The following NUP93 variants were observed in gnomAD, a reference collection of about 807,000 sequenced individuals.
NUP93 encodes the protein nuclear pore complex protein Nup93.
A neutral mutation model predicts 107.8 loss-of-function variants in NUP93; 55 were observed. The ratio of observed to expected loss-of-function variants is 0.51; its 90% CI spans 0.41 to 0.64. The LOEUF is 0.64. Among genes scored for constraint, NUP93 ranks in the 30% least tolerant of loss-of-function variants. The pLI is 0.00. For missense variants in NUP93, 937 were observed against 1,044.7 expected (o/e 0.90, Z 1.42); for synonymous variants, 390 against 397.5 (o/e 0.98, Z 0.22).
In NUP93 at chr16:56,833,363, G is replaced by A; in HGVS notation, c.1494G>A (p.Glu498=). 1.9e-6 allele frequency: 3 copies of A among 1,579,324 alleles called. No homozygotes were observed. Among genetic ancestry groups the A allele is most frequent in the Non-Finnish European group, 2.6e-6 (3 of 1,168,326 alleles). The part of the protein sequence containing the change: ...HAVHVALVLF[E]LKLLLKSSGQ... The stretch of plus-strand genomic sequence containing the variant: ...TCCATGTAGCACTGGTGCTGTTTGA[G>A]CTGAAGCTGCTTTTAAAGTCCTCTG... Residue 498 remains glutamate (E), a synonymous_variant, in exon 13 of 22, where the codon GAG becomes GAA. Coordinates refer to ENST00000308159, the MANE Select transcript of NUP93 (RefSeq NM_014669.5).
chr16:56,834,367 C>T lies in NUP93; in HGVS notation c.1665-3C>T. On this transcript the variant is annotated splice_region_variant and splice_polypyrimidine_tract_variant and intron_variant, in intron 14 of 21. Coordinates refer to ENST00000308159, the MANE Select transcript of NUP93 (RefSeq NM_014669.5). ...GAAACTGAGTTGTTTATTTCCCTTA[C>T]AGGGATGAGAAAGATAGTCAAGGAG... The T allele has an allele frequency of 6.2e-7, 1 of 1,614,076 alleles. No homozygotes were observed. Among genetic ancestry groups the T allele is most frequent in the Non-Finnish European group, 8.5e-7 (1 of 1,179,912 alleles).
chr16:56,783,543 A>T, intron 3 of NUP93: 1 of 985,416 alleles, frequency 1.0e-6, no homozygotes, highest in Non-Finnish European at 1.2e-6. Context: ...CTGACCCTGT[A>T]TGGGAGATGA....
At chr16:56,805,340 G>C in intron 4 of NUP93, 164 bp from the exon 5 acceptor site, 1 of 722,620 alleles carries the variant, frequency 1.4e-6, no homozygotes, top group Non-Finnish European at 2.2e-6. Context: ...AAACCACCAC[G>C]CTCAGCCAGT....
rs1964111206 is a variant in NUP93, at chr16:56,845,926, T to A, written c.*1317T>A. 6.6e-6 allele frequency: 1 copy of A among 152,236 alleles called. No homozygotes were observed. Among genetic ancestry groups the A allele is most frequent in the South Asian group, 2.1e-4 (1 of 4,828 alleles). The allele number at this position is 152,236 out of a possible 1,614,324, so 9.4% of individuals were successfully genotyped here. ...TCCATGTTCCAGGAAGGATGCGGCC[T>A]GAGGGTCAGTGGAGCTGTGTTCTGC... On this transcript the variant is annotated 3_prime_UTR_variant, in exon 22 of 22. Transcript: ENST00000308159.
chr16:56,769,291 G>T (rs907101758), intron 3 of NUP93, among the ~76,000 whole-genome samples: 1 of 152,306 alleles, frequency 6.6e-6, no homozygotes, highest in East Asian at 1.9e-4. Flanking sequence ...CAGTGCCGGA[G>T]AAAAGTATCT....
chr16:56,833,644 C>CT (rs1458714458), intron 13 of NUP93, among the ~76,000 whole-genome samples: 1 of 133,838 alleles, frequency 7.5e-6, no homozygotes. Flanking sequence ...AAAGTACTAG[C>CT]TTTGTGGCCA....
intron 3 of NUP93, among the ~76,000 whole-genome samples, chr16:56,795,911 T>G (rs1350162216): frequency 6.6e-6 from 1 of 152,112 alleles, no homozygotes; most frequent in Non-Finnish European, 1.5e-5. Flanking sequence ...CCTCCCAAAG[T>G]GCTGTGATTA....
intron 3 of NUP93, among the ~76,000 whole-genome samples, chr16:56,769,198 TAGA>T (rs1962274531): frequency 6.6e-6 from 1 of 152,318 alleles, no homozygotes; most frequent in African/African-American, 2.4e-5. Flanking sequence ...CAGGATGTAT[TAGA>T]AGGAGGAAAG....
chr16:56,832,654 G>C (rs1963819406), intron 12 of NUP93, among the ~76,000 whole-genome samples: 1 of 152,220 alleles, frequency 6.6e-6, no homozygotes, highest in African/African-American at 2.4e-5. Flanking sequence ...CATATGCTCA[G>C]GGAGAGAAAA....
At chr16:56,819,143 T>G (rs1029340717) in intron 6 of NUP93, among the ~76,000 whole-genome samples, 7 of 152,262 alleles carry the variant, frequency 4.6e-5, no homozygotes, top group African/African-American at 1.7e-4. Context: ...TTTTTTGTCT[T>G]AATAAGCATA....
chr16:56,829,683 A>T (rs1215104235), intron 9 of NUP93, among the ~76,000 whole-genome samples: 1 of 152,270 alleles, frequency 6.6e-6, no homozygotes, highest in African/African-American at 2.4e-5. Context: ...GAGGTAACAC[A>T]TGCACAAATG....
At chr16:56,742,691 C>CT (rs1286354319) in intron 1 of NUP93, among the ~76,000 whole-genome samples, 1 of 152,228 alleles carries the variant, frequency 6.6e-6, no homozygotes, top group African/African-American at 2.4e-5. Context: ...GGATGGATGG[C>CT]TCTGAGGCTC....
At chr16:56,836,801 CATT>C (rs1963921901) in intron 17 of NUP93, 84 bp downstream of exon 17, 1 of 851,484 alleles carries the variant, frequency 1.2e-6, no homozygotes, top group South Asian at 1.5e-5. Flanking sequence ...TGGACAGTGT[CATT>C]GTTGTAGCAC....
chr16:56,831,632 C>CG (rs1963787728), intron 10 of NUP93: 2 of 499,080 alleles, frequency 4.0e-6, no homozygotes, highest in East Asian at 7.1e-5. Flanking sequence ...AATAGAAAAC[C>CG]GGCAGGCCAA....
intron 3 of NUP93, among the ~76,000 whole-genome samples, chr16:56,784,782 G>T (rs191891825): frequency 2.3e-4 from 35 of 152,290 alleles, no homozygotes; most frequent in Admixed American, 4.6e-4. Flanking sequence ...CTTTTAACTT[G>T]ATATCAAATT....
intron 7 of NUP93, among the ~76,000 whole-genome samples, chr16:56,822,961 G>GT (rs1963579051): frequency 6.6e-6 from 1 of 152,206 alleles, no homozygotes; most frequent in African/African-American, 2.4e-5. Flanking sequence ...TTTGGAACAA[G>GT]TATAAACCTG....
chr16:56,844,685 C>T lies in NUP93; in HGVS notation c.*76C>T. 4.9e-6 allele frequency: 4 copies of T among 823,362 alleles called. No individual in the cohort carries two copies. The highest frequency in any genetic ancestry group is 3.6e-6 in the Non-Finnish European group (2 of 552,866). 51.0% of individuals were successfully genotyped at this position (823,362 alleles called of 1,614,324 possible). A position where few individuals can be genotyped will look rare whatever the true frequency, so the allele number is the denominator to read the frequency against. On this transcript the variant is annotated 3_prime_UTR_variant, in exon 22 of 22. Coordinates refer to ENST00000308159, the MANE Select transcript of NUP93 (RefSeq NM_014669.5). ...ACATGGGCCCACTAGGCTGGGGTTT[C>T]TGGTTTTGTTTCTGTTGTGTTTTGT... is the stretch of plus-strand genomic sequence containing the variant.
intron 3 of NUP93, among the ~76,000 whole-genome samples, chr16:56,784,418 T>C (rs1962581939): frequency 1.3e-5 from 2 of 152,228 alleles, no homozygotes; most frequent in Admixed American, 1.3e-4. Context: ...GCTTTCACTC[T>C]CACTCATGGG....
intron 1 of NUP93, among the ~76,000 whole-genome samples, chr16:56,731,352 A>T (rs1961531850): frequency 6.6e-6 from 1 of 151,704 alleles, no homozygotes; most frequent in Non-Finnish European, 1.5e-5. Context: ...ACCTTGGCTA[A>T]TAACTTTTGA....
Sources: gnomAD v4.1 joint callset for allele counts (sites outside exome capture counted in the v4.1 genomes callset) on GRCh38, gnomAD v4.1.1 for gene constraint, MANE v1.5 for transcripts, NCBI Gene and HGNC (gene_info 2026-07-23, HGNC 2026-07-21) for gene names.